The following PIP5K1B variants were observed in gnomAD, a reference collection of about 807,000 sequenced individuals.
PIP5K1B encodes the protein phosphatidylinositol-4-phosphate 5-kinase type 1 beta.
Under a neutral mutation model 67.0 loss-of-function variants are expected in PIP5K1B, and 42 were observed. The observed-to-expected ratio is 0.63, with a 90% CI of 0.49 to 0.81. PIP5K1B has a LOEUF of 0.81. Among genes scored for constraint, PIP5K1B ranks in the 30% least tolerant of loss-of-function variants. The pLI is 0.00. For missense variants in PIP5K1B, 459 were observed against 646.3 expected (o/e 0.71, Z 3.14); for synonymous variants, 214 against 231.4 (o/e 0.92, Z 0.68).
intron 4 of PIP5K1B, among the ~76,000 whole-genome samples, chr9:68,829,032 G>A (rs537009369): frequency 3.9e-5 from 6 of 152,332 alleles, no homozygotes; most frequent in Admixed American, 2.0e-4. Context: ...AGCCTGGAAG[G>A]CAGAGGTTGC....
intron 2 of PIP5K1B, among the ~76,000 whole-genome samples, chr9:68,752,277 C>G (rs552358904): frequency 6.6e-6 from 1 of 152,252 alleles, no homozygotes; most frequent in South Asian, 2.1e-4. Context: ...TAATGTCATA[C>G]ATTAATGCAA....
At chr9:68,824,538 A>T (rs922505279) in intron 4 of PIP5K1B, among the ~76,000 whole-genome samples, 7 of 152,184 alleles carry the variant, frequency 4.6e-5, no homozygotes, top group Admixed American at 2.0e-4. Flanking sequence ...TTTTTTAATG[A>T]ACAATTTTTT....
intron 4 of PIP5K1B, among the ~76,000 whole-genome samples, chr9:68,842,804 C>A (rs1351480257): frequency 6.6e-6 from 1 of 152,176 alleles, no homozygotes; most frequent in Non-Finnish European, 1.5e-5. Flanking sequence ...GTCAATAGTG[C>A]CAAAGTTGAG....
At chr9:68,801,873 C>T (rs574183311) in intron 2 of PIP5K1B, among the ~76,000 whole-genome samples, 16 of 152,280 alleles carry the variant, frequency 1.1e-4, no homozygotes, top group South Asian at 4.1e-4. Context: ...ATATTAGCAG[C>T]GCATTTCGGC....
At chr9:68,824,959 C>A (rs1229465544) in intron 4 of PIP5K1B, among the ~76,000 whole-genome samples, 2 of 152,112 alleles carry the variant, frequency 1.3e-5, no homozygotes, top group Non-Finnish European at 2.9e-5. Flanking sequence ...TGTCAGAAAA[C>A]AGGACATAAG....
intron 6 of PIP5K1B, among the ~76,000 whole-genome samples, chr9:68,881,842 C>A (rs923241827): frequency 6.6e-5 from 10 of 152,198 alleles, no homozygotes; most frequent in Non-Finnish European, 4.4e-5. Context: ...TGGGTTCTTT[C>A]CTTCTCCATC....
At chr9:68,886,047 G>T (rs1314120252) in intron 6 of PIP5K1B, among the ~76,000 whole-genome samples, 1 of 152,082 alleles carries the variant, frequency 6.6e-6, no homozygotes, top group Non-Finnish European at 1.5e-5. Context: ...TGGGCATGTA[G>T]TGGGCGCCTG....
intron 2 of PIP5K1B, among the ~76,000 whole-genome samples, chr9:68,759,330 G>A (rs1587400205): frequency 6.6e-6 from 1 of 152,102 alleles, no homozygotes; most frequent in Non-Finnish European, 1.5e-5. Flanking sequence ...GGGGACTCAT[G>A]GCGTGTTAAG....
intron 13 of PIP5K1B, 105 bp downstream of exon 13, chr9:68,935,150 A>G (rs1564248410): frequency 1.1e-6 from 1 of 931,682 alleles, no homozygotes; most frequent in Non-Finnish European, 1.6e-6. Context: ...AAGAAATAAA[A>G]TATATTAATT....
chr9:68,882,021 G>C lies in PIP5K1B; in HGVS notation c.318+5227G>C, dbSNP rs145847668. Among the ~76,000 whole-genome samples the C allele has an allele frequency of 3.3e-5, 5 of 152,310 alleles. No homozygotes were observed. In the East Asian group the frequency reaches 9.6e-4, roughly 29 times the overall value. On this transcript the variant is annotated intron_variant, in intron 6 of 15. Transcript: ENST00000265382. ...AAGTTTACATTGTTAATTTACACTGGCAGGGCCCAGCTGGGTTGTGCTCTG... is the reference window on the plus strand; with the variant it reads ...AAGTTTACATTGTTAATTTACACTGCCAGGGCCCAGCTGGGTTGTGCTCTG...
rs1824638481 is a variant in PIP5K1B, at chr9:68,889,145, C to T, written c.471+12C>T. 6.3e-7 allele frequency: 1 copy of T among 1,597,736 alleles called. No individual in the cohort carries two copies. Among genetic ancestry groups the T allele is most frequent in the South Asian group, 1.1e-5 (1 of 89,714 alleles). ...CAGGCTATTACATGGTAAGGAACTG[C>T]ACATCATTAATGCTTCTACTTGAAG... On this transcript the variant is annotated intron_variant, in intron 7 of 15. Coordinates refer to ENST00000265382, the MANE Select transcript of PIP5K1B (RefSeq NM_003558.4).
At chr9:68,994,575 G>A (rs1830525269) in intron 15 of PIP5K1B, among the ~76,000 whole-genome samples, 2 of 152,038 alleles carry the variant, frequency 1.3e-5, no homozygotes, top group African/African-American at 4.8e-5. Flanking sequence ...TTTCTAGAAA[G>A]CTCCATCGTA....
intron 4 of PIP5K1B, among the ~76,000 whole-genome samples, chr9:68,860,476 C>T (rs1823005924): frequency 6.6e-6 from 1 of 152,072 alleles, no homozygotes; most frequent in Non-Finnish European, 1.5e-5. Context: ...TTGGCTTACC[C>T]GTGGGTGGGT....
At chr9:68,755,829 G>T (rs1032957266) in intron 2 of PIP5K1B, among the ~76,000 whole-genome samples, 10 of 152,178 alleles carry the variant, frequency 6.6e-5, no homozygotes, top group African/African-American at 2.2e-4. Context: ...AACTCAGCAT[G>T]GTTCACCCAC....
intron 4 of PIP5K1B, among the ~76,000 whole-genome samples, chr9:68,846,533 A>G (rs992149252): frequency 6.6e-6 from 1 of 152,200 alleles, no homozygotes; most frequent in African/African-American, 2.4e-5. Context: ...TAGGGCTGGC[A>G]TATGGAAAAA....
chr9:68,816,154 G>A lies in PIP5K1B; in HGVS notation c.-85-2307G>A, dbSNP rs564278162. Among the ~76,000 whole-genome samples the A allele has an allele frequency of 8.5e-5, 13 of 152,224 alleles. No homozygotes were observed. In the East Asian group the frequency reaches 2.5e-3, roughly 29 times the overall value. On this transcript the variant is annotated intron_variant, in intron 2 of 15. Coordinates refer to ENST00000265382, the MANE Select transcript of PIP5K1B (RefSeq NM_003558.4). ...TTGTTTTTTGTTTTTTCGAGACAGA[G>A]TTTCATTCTTGTCGTCCAGGCTGGA...
At chr9:68,716,353 A>G (rs958249617) in intron 1 of PIP5K1B, among the ~76,000 whole-genome samples, 3 of 152,244 alleles carry the variant, frequency 2.0e-5, no homozygotes, top group Non-Finnish European at 2.9e-5. Flanking sequence ...AGAATATAAC[A>G]TTTATTCTAA....
chr9:68,971,742 C>T (rs189878533), intron 14 of PIP5K1B, among the ~76,000 whole-genome samples: 3 of 152,148 alleles, frequency 2.0e-5, no homozygotes, highest in East Asian at 1.9e-4. Flanking sequence ...TCTCTAATGA[C>T]GTGATGATGA....
intron 2 of PIP5K1B, chr9:68,780,223 C>T: frequency 4.5e-6 from 7 of 1,539,630 alleles, no homozygotes; most frequent in Non-Finnish European, 6.1e-6. Flanking sequence ...GGCGGGAGCC[C>T]GGCGGAGGGC....
Sources: gnomAD v4.1 joint callset for allele counts (sites outside exome capture counted in the v4.1 genomes callset) on GRCh38, gnomAD v4.1.1 for gene constraint, MANE v1.5 for transcripts, NCBI Gene and HGNC (gene_info 2026-07-23, HGNC 2026-07-21) for gene names.